The following CHD8 variants were observed in gnomAD, a reference collection of about 807,000 sequenced individuals.
CHD8 encodes ATP-dependent chromatin remodeler CHD8.
In CHD8, 31 loss-of-function variants were observed where a neutral mutation model predicts 279.2. That is an observed-to-expected ratio of 0.11 (90% CI 0.08 to 0.15). CHD8 has a LOEUF of 0.15. CHD8 is among the 10% of genes least tolerant of loss of function. The pLI is 1.00. For missense variants in CHD8, 2,146 were observed against 3,230.5 expected, an observed-to-expected ratio of 0.66 and a Z score of 8.14; for synonymous variants, 1,081 against 1,139.6, an observed-to-expected ratio of 0.95 and a Z score of 1.04.
In CHD8 at chr14:21,397,995, T is replaced by G. The variant is rs1377438692; in HGVS notation, c.4922-43A>C. 1.9e-6 allele frequency: 3 copies of G among 1,563,294 alleles called. No individual in the cohort carries two copies. In the South Asian group the frequency reaches 3.5e-5, roughly 18 times the overall value. ...ATAGTTGAAGAAAATGAGATTTGTT[T>G]TGCCTTTATGCTTACTTTATATGCT... On this transcript the variant is annotated intron_variant, in intron 26 of 37. Transcript: ENST00000646647.
chr14:21,399,240 G>A (rs1887928412), intron 26 of CHD8: 1 of 297,392 alleles, frequency 3.4e-6, no homozygotes, highest in African/African-American at 2.2e-5. Context: ...TGCACATCCA[G>A]AGGAAAGTCA....
intron 36 of CHD8, 29 bp downstream of exon 36, chr14:21,391,434 A>C: frequency 6.2e-7 from 1 of 1,604,694 alleles, no homozygotes; most frequent in Non-Finnish European, 8.5e-7. Context: ...GAATGACTTT[A>C]AATCTTGCTG....
At chr14:21,386,325 G>A in intron 37 of CHD8, 149 bp from the exon 38 acceptor site, 2 of 674,362 alleles carry the variant, frequency 3.0e-6, no homozygotes, top group East Asian at 2.7e-5. Flanking sequence ...GGCTTGATTG[G>A]TGGTAATGGG....
At position 21,402,183 on chromosome 14, in the gene CHD8, T is replaced by C; in HGVS notation, c.3883-47A>G. The C allele has an allele frequency of 1.3e-6, 2 of 1,488,820 alleles. No homozygotes were observed. Among genetic ancestry groups the C allele is most frequent in the Non-Finnish European group, 1.8e-6 (2 of 1,092,942 alleles). 92.2% of individuals were successfully genotyped at this position (1,488,820 alleles called of 1,614,324 possible). A position where few individuals can be genotyped will look rare whatever the true frequency, so the allele number is the denominator to read the frequency against. ...TGAAAAGACTATCAAGAGAATAATA[T>C]CTAACCATGCCATAATATTTTAGCT... On this transcript the variant is annotated intron_variant, in intron 19 of 37. Transcript: ENST00000646647. The surrounding 1 kb of genome is among the most constrained non-coding windows in gnomAD (Gnocchi z 4.5).
intron 1 of CHD8, among the ~76,000 whole-genome samples, chr14:21,435,534 C>T (rs897177709): frequency 6.6e-6 from 1 of 152,118 alleles, no homozygotes; most frequent in South Asian, 2.1e-4. Context: ...CTATAATAAA[C>T]TGTCTGTCCT....
chr14:21,391,875 T>C lies in CHD8; in HGVS notation c.6843A>G (p.Pro2281=), dbSNP rs753375281. ...TGTTCCCCTTCTTCTTATGAAACAG[T>C]GGATGTCCATCTCCCATTACTCCAT... The part of the protein sequence containing the change: ...MANGVMGDGH[P]LFHKKKGNRK... Residue 2281 remains proline, a synonymous_variant, in exon 35 of 38, where the codon CCA becomes CCG. Transcript: ENST00000646647. The C allele has an allele frequency of 6.2e-7, 1 of 1,613,846 alleles. No homozygotes were observed.
At chr14:21,428,872 C>T in intron 3 of CHD8, 92 bp downstream of exon 3, 1 of 1,160,394 alleles carries the variant, frequency 8.6e-7, no homozygotes, top group Non-Finnish European at 1.2e-6. Flanking sequence ...CTAGAATGGC[C>T]CCACATTCAA....
Position 21,408,715 on chromosome 14 carries a change from A to G in CHD8, c.2475T>C (p.Asn825=), listed in dbSNP as rs954938972. Residue 825 remains asparagine (N), a synonymous_variant, in exon 12 of 38, where the codon AAT becomes AAC. Transcript: ENST00000646647. This position sits in a 1 kb window ranked among gnomAD's most constrained non-coding sequence, Gnocchi z 4.3. ...ATTCTTTCCTTTACCTGTTATACCA[A>G]TTAAAGAGCAGCCAATTAACCCCTT... ...QLEGVNWLLF[N]WYNRQNCILA... The G allele has an allele frequency of 1.7e-5, 27 of 1,611,216 alleles. 1 individual carries two copies. The Middle Eastern group carries it at 8.2e-4, about 49-fold the overall frequency.
intron 1 of CHD8, among the ~76,000 whole-genome samples, chr14:21,452,627 C>A (rs2139577219): frequency 6.6e-6 from 1 of 151,522 alleles, no homozygotes; most frequent in East Asian, 2.0e-4. Context: ...CTGGGAGACA[C>A]AGGGAGACTT....
chr14:21,417,882 A>ATATATAAT (rs1433796563), intron 5 of CHD8, among the ~76,000 whole-genome samples: 106 of 138,864 alleles, frequency 7.6e-4, no homozygotes, highest in African/African-American at 2.7e-3. Flanking sequence ...ATATATATAT[A>ATATATAAT]ATATATATAT....
chr14:21,395,635 C>T (rs1887748594), intron 28 of CHD8, 182 bp downstream of exon 28: 1 of 599,020 alleles, frequency 1.7e-6, no homozygotes, highest in Non-Finnish European at 3.0e-6. Context: ...TAAAGTTATC[C>T]CTGATCTCCC....
intron 1 of CHD8, among the ~76,000 whole-genome samples, chr14:21,444,921 A>G (rs948456008): frequency 7.9e-5 from 12 of 152,070 alleles, no homozygotes; most frequent in Admixed American, 5.2e-4. Context: ...CTTGGTCTGT[A>G]TATCTCCCTG....
chr14:21,418,773 G>C (rs931838024), intron 5 of CHD8, among the ~76,000 whole-genome samples: 1 of 152,224 alleles, frequency 6.6e-6, no homozygotes, highest in Non-Finnish European at 1.5e-5. Context: ...CGGAGATCGC[G>C]CCACTGCACT....
rs1456757587 is a variant in CHD8 at position 21,408,757 on chromosome 14, T to C, written c.2433A>G (p.Leu811=). 3.7e-6 allele frequency: 6 copies of C among 1,610,458 alleles called. No individual in the cohort carries two copies. In the South Asian group the frequency reaches 5.5e-5, roughly 15 times the overall value. The change falls in exon 12 of 38, where the codon CTA becomes CTG. Residue 811 remains leucine, a synonymous_variant. Coordinates refer to ENST00000646647, the MANE Select transcript of CHD8 (RefSeq NM_001170629.2). This position sits in a 1 kb window ranked among gnomAD's most constrained non-coding sequence, Gnocchi z 4.3. The part of the protein sequence containing the change: ...LSHEYKNRNQ[L]REYQLEGVNW... Reference sequence around the variant, plus strand: ...TAACCCCTTCCAACTGATATTCCCGTAGCTGGTTTCTGTTTTTATATTCAT... The same window carrying C: ...TAACCCCTTCCAACTGATATTCCCGCAGCTGGTTTCTGTTTTTATATTCAT...
intron 1 of CHD8, among the ~76,000 whole-genome samples, chr14:21,453,168 C>T (rs550302767): frequency 6.6e-6 from 1 of 151,700 alleles, no homozygotes; most frequent in South Asian, 2.1e-4. Flanking sequence ...AGACAACTCT[C>T]ATTTGGGTGC....
At chr14:21,438,322 A>G (rs1018003672) in intron 1 of CHD8, among the ~76,000 whole-genome samples, 1 of 151,866 alleles carries the variant, frequency 6.6e-6, no homozygotes, top group Non-Finnish European at 1.5e-5. Flanking sequence ...CAGCCTCCCA[A>G]AGTGCTGGGA....
At chr14:21,406,745 C>T (rs1449636460) in intron 14 of CHD8, 111 bp downstream of exon 14, 1 of 950,260 alleles carries the variant, frequency 1.1e-6, no homozygotes, top group Non-Finnish European at 1.5e-6. Flanking sequence ...CCCCACTGTT[C>T]AATACCACGA....
intron 27 of CHD8, among the ~76,000 whole-genome samples, chr14:21,396,170 T>A (rs1887775525): frequency 6.6e-6 from 1 of 151,676 alleles, no homozygotes; most frequent in African/African-American, 2.4e-5. Context: ...CTAATTTTCA[T>A]ATTTTTTTAG....
chr14:21,419,817 C>G (rs1295998195), intron 5 of CHD8: 4 of 380,216 alleles, frequency 1.1e-5, no homozygotes, highest in Middle Eastern at 3.9e-4. Context: ...CAAAACATCC[C>G]CGAGGGATCT....
Sources: allele counts gnomAD v4.1 joint callset (sites outside exome capture counted in the v4.1 genomes callset), GRCh38; gene constraint gnomAD v4.1.1; non-coding constraint Gnocchi (gnomAD v3.1); transcripts MANE v1.5; gene names NCBI Gene and HGNC (gene_info 2026-07-23, HGNC 2026-07-21).